The following TRMT44 variants were observed in gnomAD, a reference collection of about 807,000 sequenced individuals.
TRMT44 encodes the protein tRNA methyltransferase 44 homolog.
A neutral mutation model predicts 77.3 loss-of-function variants in TRMT44; 78 were observed. The observed-to-expected ratio is 1.01, with a 90% confidence interval of 0.84 to 1.22. The LOEUF (loss-of-function observed/expected upper bound fraction) is 1.22, where lower values mean the gene tolerates loss of function less well. Among genes scored for constraint, TRMT44 ranks in the 50% most tolerant of loss-of-function variants. The probability of loss-of-function intolerance (pLI) is 0.00; values close to 1 mark genes in which losing one functional copy is unlikely to be tolerated. For synonymous variants in TRMT44, 391 were observed against 383.3 expected, an observed-to-expected ratio of 1.02 and a Z score of -0.23; for missense variants, 1,090 against 964.4, an observed-to-expected ratio of 1.13 and a Z score of -1.73.
At chr4:8,505,219 C>T in the TRMT44 span, among the ~76,000 whole-genome samples, 25 of 152,334 alleles carry the variant, frequency 1.6e-4, no homozygotes, top group Non-Finnish European at 3.1e-4. Context: ...GGTGCTGCTC[C>T]GGCTGTGACT....
downstream of TRMT44, among the ~76,000 whole-genome samples, chr4:8,497,577 G>A (rs1427414435): frequency 3.3e-5 from 5 of 152,118 alleles, no homozygotes; most frequent in Admixed American, 6.5e-5. Flanking sequence ...CCCAGGAAGC[G>A]GAGCTTGCAG....
the TRMT44 span, among the ~76,000 whole-genome samples, chr4:8,501,349 T>C: frequency 6.6e-6 from 1 of 152,176 alleles, no homozygotes; most frequent in African/African-American, 2.4e-5. The surrounding 1 kb of genome is among the most constrained non-coding windows in gnomAD (Gnocchi z 4.4). Flanking sequence ...GTATGTAGGC[T>C]GCTGCTATTA....
downstream of TRMT44, among the ~76,000 whole-genome samples, chr4:8,494,571 C>T (rs1240080790): frequency 6.6e-6 from 1 of 152,198 alleles, no homozygotes; most frequent in East Asian, 1.9e-4. Flanking sequence ...AGTGGTCCCA[C>T]CTTTCCAGAC....
At chr4:8,516,655 C>T in the TRMT44 span, among the ~76,000 whole-genome samples, 1,470 of 152,218 alleles carry the variant, frequency 9.7e-3, 9 homozygotes, top group Middle Eastern at 0.02. Flanking sequence ...GTGGTGTGTG[C>T]CTGTGGACCC....
rs559007380 is a variant in TRMT44 at position 8,485,950 on chromosome 4, G to C, written n.3891+6417G>C. 5.5e-4 allele frequency among the ~76,000 whole-genome samples: 84 copies of C among 152,282 alleles called. 1 individual carries two copies. The highest frequency in any genetic ancestry group is 1.0e-3 in the Non-Finnish European group (69 of 68,026). ...GTAGCCCCCGTATCGATTAAACAGG[G>C]GATGGACTTACCCTCCACTGTGAGA... On this transcript the variant is annotated intron_variant and non_coding_transcript_variant, in intron 2 of 2. Coordinates refer to the TRMT44 transcript ENST00000511366.
chr4:8,452,091 C>T lies in TRMT44; in HGVS notation c.1023+63C>T. The T allele has an allele frequency of 7.1e-7, 1 of 1,405,288 alleles. No individual in the cohort carries two copies. The highest frequency in any genetic ancestry group is 2.5e-5 in the East Asian group (1 of 40,178). The allele number at this position is 1,405,288 out of a possible 1,614,324, so 87.1% of individuals were successfully genotyped here. A position where few individuals can be genotyped will look rare whatever the true frequency, so the allele number is the denominator to read the frequency against. On this transcript the variant is annotated intron_variant, in intron 4 of 10. Coordinates refer to ENST00000389737, the MANE Select transcript of TRMT44 (RefSeq NM_152544.3). The surrounding 1 kb of genome is among the most constrained non-coding windows in gnomAD (Gnocchi z 5.7). ...TGGAGTTTGCTACAGGCAGATGTTC[C>T]CTGTAGTGAAGGACATTTTCCAAAT...
Position 8,452,141 on chromosome 4 carries a change from C to A in TRMT44, c.1023+113C>A. The A allele has an allele frequency of 1.0e-6, 1 of 970,914 alleles. No homozygotes were observed. Among genetic ancestry groups the A allele is most frequent in the Non-Finnish European group, 1.6e-6 (1 of 639,298 alleles). The allele number at this position is 970,914 out of a possible 1,614,324, so 60.1% of individuals were successfully genotyped here. The stretch of plus-strand genomic sequence containing the variant: ...TCCATAACTGCCGGTGCTCACAATT[C>A]TGCTGGCCAAGGTTGGTTTCTCGTG... On this transcript the variant is annotated intron_variant, in intron 4 of 10. Transcript: ENST00000389737. This position sits in a 1 kb window ranked among gnomAD's most constrained non-coding sequence, Gnocchi z 5.7.
At chr4:8,484,556 C>A (rs193081963) in intron 2 of TRMT44, among the ~76,000 whole-genome samples, 10 of 152,254 alleles carry the variant, frequency 6.6e-5, no homozygotes. Flanking sequence ...AAAGGCTACA[C>A]GATGCGATCC....
chr4:8,452,986 G>T lies in TRMT44; in HGVS notation c.1128G>T (p.Glu376Asp). ...TCCTGGTCCACATCCTGAGCAGTGA[G>T]GGGGTAAGGCCCGGCTCCATCACCT... ...NGLLVHILSSEGHPGRGIDVR... is the reference protein window; with the variant it reads ...NGLLVHILSSDGHPGRGIDVR... The change falls in exon 5 of 11, where the codon GAG becomes GAT. Residue 376 changes from glutamate to aspartate, a missense_variant. Glu to Asp is a conservative substitution (Grantham distance 45). Transcript: ENST00000389737. This position sits in a 1 kb window ranked among gnomAD's most constrained non-coding sequence, Gnocchi z 5.7. 6.6e-7 allele frequency: 1 copy of T among 1,516,186 alleles called. No homozygotes were observed. Among genetic ancestry groups the T allele is most frequent in the South Asian group, 1.2e-5 (1 of 81,194 alleles). 93.9% of individuals were successfully genotyped at this position (1,516,186 alleles called of 1,614,324 possible). A position where few individuals can be genotyped will look rare whatever the true frequency, so the allele number is the denominator to read the frequency against.
At chr4:8,447,436 G>A (rs1269672102) in intron 2 of TRMT44, among the ~76,000 whole-genome samples, 3 of 152,158 alleles carry the variant, frequency 2.0e-5, no homozygotes, top group Non-Finnish European at 2.9e-5. Flanking sequence ...TGTACTTTCC[G>A]AAACAGTCTT....
Position 8,451,048 on chromosome 4 carries a change from T to G in TRMT44, c.955-912T>G, listed in dbSNP as rs114912838. ...CTCCTAAAGTGCTTGGATTACAGGC[T>G]TGAGCCACTGCCCGGCTTCCATGTA... On this transcript the variant is annotated intron_variant, in intron 3 of 10. Transcript: ENST00000389737. This position sits in a 1 kb window ranked among gnomAD's most constrained non-coding sequence, Gnocchi z 4.1. 0.016 allele frequency among the ~76,000 whole-genome samples: 2,419 copies of G among 152,246 alleles called. 18 individuals carry two copies. Among genetic ancestry groups the G allele is most frequent in the Middle Eastern group, 0.037 (11 of 294 alleles).
the TRMT44 span, among the ~76,000 whole-genome samples, chr4:8,500,750 T>G: frequency 6.6e-6 from 1 of 151,830 alleles, no homozygotes; most frequent in East Asian, 1.9e-4. Flanking sequence ...TTCCACCTCC[T>G]GGGTTCAAGC....
intron 6 of TRMT44, among the ~76,000 whole-genome samples, chr4:8,457,885 T>C (rs748836530): frequency 3.3e-5 from 5 of 152,164 alleles, no homozygotes; most frequent in Non-Finnish European, 5.9e-5. Context: ...TGAAAGAGAC[T>C]GTGGATATAG....
At position 8,452,800 on chromosome 4, in the gene TRMT44, T is replaced by C; in HGVS notation, c.1024-82T>C. The C allele has an allele frequency of 1.3e-6, 1 of 740,818 alleles. No individual in the cohort carries two copies. Among genetic ancestry groups the C allele is most frequent in the Admixed American group, 3.2e-5 (1 of 31,632 alleles). 45.9% of individuals were successfully genotyped at this position (740,818 alleles called of 1,614,324 possible). On this transcript the variant is annotated intron_variant, in intron 4 of 10. Coordinates refer to ENST00000389737, the MANE Select transcript of TRMT44 (RefSeq NM_152544.3). The surrounding 1 kb of genome is among the most constrained non-coding windows in gnomAD (Gnocchi z 5.7). ...TTCAAGTTTCCTTTCACTCAGAGTTTTCTTTGACCAGTTTGTGTCTAAATT... is the reference window on the plus strand; with the variant it reads ...TTCAAGTTTCCTTTCACTCAGAGTTCTCTTTGACCAGTTTGTGTCTAAATT...
chr4:8,473,478 G>T (rs1727162969), intron 10 of TRMT44: 1 of 152,350 alleles, frequency 6.6e-6, no homozygotes. Context: ...TCCGGGCCAG[G>T]TCTGACCCAG....
In TRMT44 at chr4:8,467,984, A is replaced by G; in HGVS notation, c.1565A>G (p.Gln522Arg). ...REASVDEKRT[Q>R]YIKSRRGCPV... ...GCTTCCGTGGATGAAAAGAGGACTC[A>G]GTACATTAAGAGCAGGCGGGGCTGC... Residue 522 changes from glutamine to arginine, a missense_variant, in exon 9 of 11, where the codon CAG becomes CGG. Coordinates refer to ENST00000389737, the MANE Select transcript of TRMT44 (RefSeq NM_152544.3). 1.9e-6 allele frequency: 3 copies of G among 1,614,186 alleles called. No homozygotes were observed. The highest frequency in any genetic ancestry group is 2.5e-6 in the Non-Finnish European group (3 of 1,180,030).
intron 10 of TRMT44, among the ~76,000 whole-genome samples, chr4:8,472,511 TGAGA>T (rs1240870294): frequency 6.6e-6 from 1 of 152,220 alleles, no homozygotes; most frequent in African/African-American, 2.4e-5. Context: ...TCTGGGTGTG[TGAGA>T]GAGCACAGGT....
chr4:8,465,441 C>T lies in TRMT44; in HGVS notation c.1374C>T (p.Tyr458=), dbSNP rs748076141. The change falls in exon 8 of 11, where the codon TAC becomes TAT. Residue 458 remains tyrosine (Y), a synonymous_variant. Transcript: ENST00000389737. ...GCTTCTTTGACTTCATTGGAAGATA[C>T]TCCCGGAGGCAGAGTAAGAAGACTC... ...PCCFFDFIGR[Y]SRRQSKKTQY... The T allele has an allele frequency of 1.2e-6, 2 of 1,614,088 alleles. No individual in the cohort carries two copies. Among genetic ancestry groups the T allele is most frequent in the Non-Finnish European group, 8.5e-7 (1 of 1,179,982 alleles).
At chr4:8,445,320 A>C (rs1267083021) in intron 1 of TRMT44, among the ~76,000 whole-genome samples, 1 of 152,334 alleles carries the variant, frequency 6.6e-6, no homozygotes, top group East Asian at 1.9e-4. Context: ...GAGATAATTC[A>C]TGGAAAGAAT....
Sources: gnomAD v4.1 joint callset for allele counts (sites outside exome capture counted in the v4.1 genomes callset) on GRCh38, gnomAD v4.1.1 for gene constraint, Gnocchi (gnomAD v3.1) non-coding constraint, MANE v1.5 for transcripts, NCBI Gene and HGNC (gene_info 2026-07-23, HGNC 2026-07-21) for gene names.